SLC47A2: variants seen among roughly 807,000 people sequenced by gnomAD.
SLC47A2 encodes the protein multidrug and toxin extrusion protein 2.
In SLC47A2, 52 loss-of-function variants were observed where a neutral mutation model predicts 67.7. That is an observed-to-expected ratio of 0.77 (90% CI 0.61 to 0.97). The LOEUF is 0.97. SLC47A2 is among the 50% of genes least tolerant of loss of function. The pLI is 0.00. For synonymous variants in SLC47A2, 278 were observed against 292.9 expected, an observed-to-expected ratio of 0.95 and a Z score of 0.52; for missense variants, 676 against 712.3, an observed-to-expected ratio of 0.95 and a Z score of 0.58.
Position 19,705,328 on chromosome 17 carries a change from G to T in SLC47A2, c.909+108C>A. The T allele has an allele frequency of 3.2e-6, 4 of 1,232,978 alleles. No homozygotes were observed. In the Admixed American group the frequency reaches 8.4e-5, roughly 26 times the overall value. 76.4% of individuals were successfully genotyped at this position (1,232,978 alleles called of 1,614,324 possible). The stretch of plus-strand genomic sequence containing the variant: ...GGTGGGCACGAGAGGCCCGGGGAGG[G>T]TCCTTCGGGAGACAGAGATAGCTTC... On this transcript the variant is annotated intron_variant, in intron 10 of 16. Transcript: ENST00000433844.
In SLC47A2 at chr17:19,714,755, C is replaced by T. The variant is rs1424403571; in HGVS notation, c.260G>A (p.Gly87Asp). 4.3e-6 allele frequency: 7 copies of T among 1,614,136 alleles called. No homozygotes were observed. The highest frequency in any genetic ancestry group is 4.2e-6 in the Non-Finnish European group (5 of 1,180,050). The change falls in exon 3 of 17, where the codon GGT (glycine) becomes GAT (aspartate). Residue 87 changes from glycine (G) to aspartate (D), a missense_variant. By Grantham distance (94) the Gly-to-Asp change is moderately conservative (BLOSUM62 -1). Coordinates refer to ENST00000433844, the MANE Select transcript of SLC47A2 (RefSeq NM_001099646.3). ...VNVCGVSVGV[G>D]LSSACDTLMS... is the part of the protein sequence containing the mutation. ...CAAGGTGTCACATGCCGAAGACAAA[C>T]CAACTCCTACAGAAACTCCGCAGAC...
intron 1 of SLC47A2, chr17:19,715,713 T>TTTG (rs1240779839): frequency 2.2e-5 from 3 of 139,524 alleles, no homozygotes; most frequent in African/African-American, 7.9e-5. Flanking sequence ...TTTGTTTTTT[T>TTTG]TTTTTTTTTT....
intron 1 of SLC47A2, chr17:19,715,692 G>GTTTTTTTTTTTT (rs1262965934): frequency 2.3e-5 from 2 of 86,694 alleles, no homozygotes; most frequent in African/African-American, 7.6e-5. Context: ...CTCCTTTTTG[G>GTTTTTTTTTTTT]TTTTGTTTTT....
intron 1 of SLC47A2, 26 bp from the exon 2 acceptor site, chr17:19,715,243 T>A: frequency 6.3e-7 from 1 of 1,597,484 alleles, no homozygotes. Context: ...CAGGTCAGAC[T>A]CGGGGCCACA....
At chr17:19,713,535 G>T (rs1379969464) in intron 4 of SLC47A2, among the ~76,000 whole-genome samples, 1 of 152,234 alleles carries the variant, frequency 6.6e-6, no homozygotes, top group African/African-American at 2.4e-5. Context: ...CTCCAACTGT[G>T]TCCGGGCACA....
At chr17:19,696,960 A>G (rs1232207768) in intron 13 of SLC47A2, among the ~76,000 whole-genome samples, 2 of 152,202 alleles carry the variant, frequency 1.3e-5, no homozygotes, top group African/African-American at 2.4e-5. Context: ...TCCTTTTGTC[A>G]GGAACCGACT....
At position 19,685,103 on chromosome 17, in the gene SLC47A2, C is replaced by T. The variant is rs2085397843; in HGVS notation, c.1165-3433G>A. ...TCGGGTGAAGTGCCCGCCTCGGCCT[C>T]CTGAGGTGCTGGGATTGCAGACGGA... On this transcript the variant is annotated intron_variant, in intron 13 of 16. Transcript: ENST00000433844. The surrounding 1 kb of genome is among the most constrained non-coding windows in gnomAD (Gnocchi z 4.5). Among the ~76,000 whole-genome samples, 2 of 152,210 alleles carry T rather than the reference C, an allele frequency of 1.3e-5. No homozygotes were observed. The highest frequency in any genetic ancestry group is 4.8e-5 in the African/African-American group (2 of 41,468).
chr17:19,700,001 C>A (rs2085749575), intron 13 of SLC47A2, among the ~76,000 whole-genome samples: 1 of 152,116 alleles, frequency 6.6e-6, no homozygotes. Context: ...AAACAGTATG[C>A]TAAGGAGAAG....
intron 13 of SLC47A2, 158 bp downstream of exon 13, chr17:19,702,447 G>A (rs1451847628): frequency 1.0e-6 from 1 of 985,248 alleles, no homozygotes; most frequent in Non-Finnish European, 1.2e-6. Context: ...AAATAAGAAT[G>A]GAACTATTAT....
chr17:19,689,879 T>G (rs2085503207), intron 13 of SLC47A2, among the ~76,000 whole-genome samples: 1 of 152,134 alleles, frequency 6.6e-6, no homozygotes, highest in African/African-American at 2.4e-5. Context: ...TAATCCCTAT[T>G]AAGATACCAA....
At chr17:19,708,526 A>G in intron 6 of SLC47A2, 127 bp from the exon 7 acceptor site, 4 of 1,613,256 alleles carry the variant, frequency 2.5e-6, no homozygotes, top group Non-Finnish European at 3.4e-6. Flanking sequence ...GAGTTGGAAG[A>G]GGCTGGGACG....
intron 12 of SLC47A2, 72 bp downstream of exon 12, chr17:19,703,020 G>A (rs1046713766): frequency 4.7e-6 from 7 of 1,495,652 alleles, no homozygotes; most frequent in Non-Finnish European, 4.6e-6. Context: ...CCAGGAATGT[G>A]ATAAATCTGA....
intron 2 of SLC47A2, 39 bp from the exon 3 acceptor site, chr17:19,714,828 T>C: frequency 3.7e-6 from 6 of 1,613,120 alleles, no homozygotes; most frequent in Non-Finnish European, 4.2e-6. Context: ...GCTTGTCAGG[T>C]GAGGCCTGAA....
intron 8 of SLC47A2, 59 bp downstream of exon 8, chr17:19,707,687 G>A: frequency 6.9e-7 from 1 of 1,451,260 alleles, no homozygotes; most frequent in Admixed American, 2.0e-5. Context: ...CCTGCCCCAA[G>A]GCTAGGGCAG....
intron 3 of SLC47A2, 88 bp downstream of exon 3, chr17:19,714,633 C>T (rs746392891): frequency 2.6e-5 from 39 of 1,493,686 alleles, no homozygotes; most frequent in Middle Eastern, 1.7e-4. Flanking sequence ...CACCTGGCTG[C>T]GCCCCTCCCA....
intron 13 of SLC47A2, among the ~76,000 whole-genome samples, chr17:19,700,867 T>C (rs1175304223): frequency 2.6e-5 from 4 of 151,700 alleles, no homozygotes; most frequent in Non-Finnish European, 5.9e-5. Context: ...ATGAATAGTG[T>C]CTTTTAACAG....
chr17:19,707,234 G>C (rs758761190), intron 8 of SLC47A2, among the ~76,000 whole-genome samples: 29 of 152,322 alleles, frequency 1.9e-4, no homozygotes, highest in Admixed American at 5.2e-4. Flanking sequence ...CTGCAGAGCT[G>C]TTCCTGAAAT....
chr17:19,705,572 C>T, intron 9 of SLC47A2, 69 bp from the exon 10 acceptor site: 2 of 1,469,430 alleles, frequency 1.4e-6, no homozygotes, highest in South Asian at 1.3e-5. Context: ...CGACAGGACG[C>T]TGCTTTGCTT....
At chr17:19,682,329 T>TCACAAA (rs1555537209) in intron 13 of SLC47A2, among the ~76,000 whole-genome samples, 42 of 143,886 alleles carry the variant, frequency 2.9e-4, no homozygotes, top group Admixed American at 2.9e-3. Flanking sequence ...CGAGACTTGG[T>TCACAAA]CACACACACA....
Sources: allele counts gnomAD v4.1 joint callset (sites outside exome capture counted in the v4.1 genomes callset), GRCh38; gene constraint gnomAD v4.1.1; non-coding constraint Gnocchi (gnomAD v3.1); transcripts MANE v1.5; gene names NCBI Gene and HGNC (gene_info 2026-07-23, HGNC 2026-07-21).